The following OR8B8 variants were observed in gnomAD, a reference collection of about 807,000 sequenced individuals.
OR8B8 encodes olfactory receptor 8B8.
OR8B8 carries 8 observed loss-of-function variants against 10.5 expected under a neutral mutation model. The ratio of observed to expected loss-of-function variants is 0.76; its 90% CI spans 0.45 to 1.38. The LOEUF (loss-of-function observed/expected upper bound fraction) is 1.38, where lower values mean the gene tolerates loss of function less well. Ranked by LOEUF, OR8B8 falls within the 40% of genes most tolerant of loss-of-function variation. OR8B8 has a pLI of 0.00. For synonymous variants in OR8B8, 150 were observed against 145.2 expected (o/e 1.03, Z -0.24); for missense variants, 390 against 380.5 (o/e 1.03, Z -0.21).
rs1020619136 is a variant in OR8B8, at chr11:124,439,484, A to G, written c.*666T>C. On this transcript the variant is annotated 3_prime_UTR_variant, in exon 3 of 3. Coordinates refer to ENST00000642064, the MANE Select transcript of OR8B8 (RefSeq NM_012378.2). ...AAATTCTGTTCTTCATAACCTTGACATTTTCTATAAGTTCTTCCACCCAGC... is the reference window on the plus strand; with the variant it reads ...AAATTCTGTTCTTCATAACCTTGACGTTTTCTATAAGTTCTTCCACCCAGC... 3.3e-5 allele frequency: 5 copies of G among 152,300 alleles called. No homozygotes were observed. The highest frequency in any genetic ancestry group is 5.9e-5 in the Non-Finnish European group (4 of 68,088). 9.4% of individuals were successfully genotyped at this position (152,300 alleles called of 1,614,324 possible). A position where few individuals can be genotyped will look rare whatever the true frequency, so the allele number is the denominator to read the frequency against.
intron 1 of OR8B8, among the ~76,000 whole-genome samples, chr11:124,444,412 T>G (rs1861506120): frequency 6.6e-6 from 1 of 152,210 alleles, no homozygotes; most frequent in Non-Finnish European, 1.5e-5. Flanking sequence ...AGGAGTAATC[T>G]CAAATAATTA....
chr11:124,440,042 G>A lies in OR8B8; in HGVS notation c.*108C>T. 3.7e-6 allele frequency: 3 copies of A among 800,774 alleles called. No individual in the cohort carries two copies. Among genetic ancestry groups the A allele is most frequent in the Non-Finnish European group, 3.9e-6 (2 of 508,518 alleles). 49.6% of individuals were successfully genotyped at this position (800,774 alleles called of 1,614,324 possible). On this transcript the variant is annotated 3_prime_UTR_variant, in exon 3 of 3. Transcript: ENST00000642064. ...TGTAAATTAAAGAACCCTTAAAATGGGGATGATGAACCTGTTTGAGGAAAA... is the reference window on the plus strand; with the variant it reads ...TGTAAATTAAAGAACCCTTAAAATGAGGATGATGAACCTGTTTGAGGAAAA...
At chr11:124,444,997 T>G (rs140554538) in intron 1 of OR8B8, among the ~76,000 whole-genome samples, 173 of 150,010 alleles carry the variant, frequency 1.2e-3, no homozygotes, top group African/African-American at 2.8e-3. Flanking sequence ...TATTACCCTG[T>G]CCCTACTTCC....
At position 124,438,203 on chromosome 11, in the gene OR8B8, C is replaced by G. The variant is rs1242487149; in HGVS notation, c.*1947G>C. The stretch of plus-strand genomic sequence containing the variant: ...AAGCTCAGGTTCAAATTTGATTCTA[C>G]CATCCAACTCTCTGGGCTCTGCTCT... On this transcript the variant is annotated 3_prime_UTR_variant, in exon 3 of 3. Coordinates refer to ENST00000642064, the MANE Select transcript of OR8B8 (RefSeq NM_012378.2). 1.3e-5 allele frequency: 2 copies of G among 152,164 alleles called. No individual in the cohort carries two copies. Among genetic ancestry groups the G allele is most frequent in the African/African-American group, 4.8e-5 (2 of 41,438 alleles). 9.4% of individuals were successfully genotyped at this position (152,164 alleles called of 1,614,324 possible).
intron 1 of OR8B8, among the ~76,000 whole-genome samples, chr11:124,444,264 AC>A (rs550462056): frequency 7.2e-5 from 11 of 152,172 alleles, no homozygotes; most frequent in Non-Finnish European, 5.9e-5. Flanking sequence ...AAGCATCCTC[AC>A]CCAAGTCTCT....
At chr11:124,441,680 C>T (rs763721527) in intron 1 of OR8B8, 57 bp from the exon 2 acceptor site, 4 of 153,236 alleles carry the variant, frequency 2.6e-5, no homozygotes, top group Non-Finnish European at 5.8e-5. Flanking sequence ...GATGGCAGCA[C>T]TGGAGCCTCG....
intron 1 of OR8B8, among the ~76,000 whole-genome samples, chr11:124,443,318 C>T (rs1861495466): frequency 6.6e-6 from 1 of 152,102 alleles, no homozygotes; most frequent in African/African-American, 2.4e-5. Context: ...TGTGGAGAGA[C>T]TTGAACGTCA....
At chr11:124,442,466 G>C (rs548971240) in intron 1 of OR8B8, among the ~76,000 whole-genome samples, 2 of 152,332 alleles carry the variant, frequency 1.3e-5, no homozygotes, top group African/African-American at 4.8e-5. Flanking sequence ...TTATATTTCA[G>C]TTCATTGCTG....
intron 1 of OR8B8, among the ~76,000 whole-genome samples, chr11:124,443,111 C>T (rs1242400167): frequency 6.3e-5 from 3 of 47,656 alleles, no homozygotes; most frequent in South Asian, 5.9e-4. Context: ...ATCTACCCTA[C>T]GTTTTCTAGA....
Position 124,439,265 on chromosome 11 carries a change from C to G in OR8B8, c.*885G>C, listed in dbSNP as rs1373995792. ...TTGTTGTTGTTTAGATGGAGTCTTG[C>G]TCCATTGCCCAGGCTGGAGTGCAGT... On this transcript the variant is annotated 3_prime_UTR_variant, in exon 3 of 3. Transcript: ENST00000642064. 1 of 152,384 alleles carries G rather than the reference C, an allele frequency of 6.6e-6. No individual in the cohort carries two copies. Among genetic ancestry groups the G allele is most frequent in the Non-Finnish European group, 1.5e-5 (1 of 68,192 alleles). 9.4% of individuals were successfully genotyped at this position (152,384 alleles called of 1,614,324 possible).
rs1283688934 is a variant in OR8B8, at chr11:124,438,538, T to C, written c.*1612A>G. 2 of 152,258 alleles carry C rather than the reference T, an allele frequency of 1.3e-5. No individual in the cohort carries two copies. The highest frequency in any genetic ancestry group is 4.8e-5 in the African/African-American group (2 of 41,472). 9.4% of individuals were successfully genotyped at this position (152,258 alleles called of 1,614,324 possible). On this transcript the variant is annotated 3_prime_UTR_variant, in exon 3 of 3. Transcript: ENST00000642064. The stretch of plus-strand genomic sequence containing the variant: ...TGAAAAGCTACTCTACCTTCCTTTA[T>C]ACAGTACCATTAGGCTGTGGGCTTA...
rs374366524 is a variant in OR8B8 at position 124,440,262 on chromosome 11, G to T, written c.824C>A (p.Ser275Tyr). 1.9e-6 allele frequency: 3 copies of T among 1,614,160 alleles called. No individual in the cohort carries two copies. In the South Asian group the frequency reaches 3.3e-5, roughly 18 times the overall value. The change falls in exon 3 of 3, where the codon TCC (serine) becomes TAC (tyrosine). Residue 275 changes from serine (S) to tyrosine (Y), a missense_variant. Transcript: ENST00000642064. ...LLAMNQGKVS[S>Y]LFYTTVVPML... Reference sequence around the variant, plus strand: ...GGGCACCACAGTGGTATAGAATAGGGAAGACACCTTGCCCTGGTTCATAGC... The same window carrying T: ...GGGCACCACAGTGGTATAGAATAGGTAAGACACCTTGCCCTGGTTCATAGC...
At chr11:124,443,223 C>T (rs934388573) in intron 1 of OR8B8, among the ~76,000 whole-genome samples, 3 of 152,168 alleles carry the variant, frequency 2.0e-5, no homozygotes, top group Non-Finnish European at 2.9e-5. Context: ...AGGAAGTTCA[C>T]CTGGCCTTTA....
Position 124,440,923 on chromosome 11 carries a change from A to G in OR8B8, c.163T>C (p.Leu55=), listed in dbSNP as rs781345719. 1 of 1,614,114 alleles carries G rather than the reference A, an allele frequency of 6.2e-7. No homozygotes were observed. The highest frequency in any genetic ancestry group is 1.1e-5 in the South Asian group (1 of 91,070). ...LITLIRLNSH[L]HTPMYFFLYN... ...AGGAAGAAGTACATAGGGGTGTGCA[A>G]GTGAGAGTTGAGCCTTATCAGGGTT... is the stretch of plus-strand genomic sequence containing the variant. The change falls in exon 3 of 3, where the codon TTG becomes CTG. Residue 55 remains leucine, a synonymous_variant. Coordinates refer to ENST00000642064, the MANE Select transcript of OR8B8 (RefSeq NM_012378.2).
chr11:124,442,581 T>C (rs1224510204), intron 1 of OR8B8, among the ~76,000 whole-genome samples: 2 of 152,174 alleles, frequency 1.3e-5, no homozygotes, highest in Admixed American at 1.3e-4. Context: ...TTTTCCAAAA[T>C]TGCTAACTTG....
At chr11:124,444,894 G>A (rs1861512512) in intron 1 of OR8B8, among the ~76,000 whole-genome samples, 1 of 152,316 alleles carries the variant, frequency 6.6e-6, no homozygotes, top group South Asian at 2.1e-4. Context: ...GCTGACAAGA[G>A]TGAGAAGAGC....
Position 124,440,130 on chromosome 11 carries a change from T to C in OR8B8, c.*20A>G, listed in dbSNP as rs749578283. ...ACTTATGGGAGAAACAGTGTTTCTT[T>C]CCTGAGCATTGCCCTTTTCTCAGGA... On this transcript the variant is annotated 3_prime_UTR_variant, in exon 3 of 3. Transcript: ENST00000642064. The C allele has an allele frequency of 1.9e-6, 3 of 1,583,908 alleles. No individual in the cohort carries two copies. In the Admixed American group the frequency reaches 5.2e-5, roughly 27 times the overall value.
At chr11:124,441,757 C>T (rs7114069) in intron 1 of OR8B8, 134 bp from the exon 2 acceptor site, 101,647 of 152,054 alleles carry the variant, frequency 0.67, 35,646 homozygotes, top group African/African-American at 0.89. Context: ...CTGAGGCCTT[C>T]CTCCAGCTTG....
intron 2 of OR8B8, 115 bp downstream of exon 2, chr11:124,441,373 T>G: frequency 2.5e-6 from 1 of 400,750 alleles, no homozygotes; most frequent in Non-Finnish European, 4.6e-6. Context: ...GGGGCCAGTC[T>G]CCAGGAAGAG....
Sources: gnomAD v4.1 joint callset for allele counts (sites outside exome capture counted in the v4.1 genomes callset) on GRCh38, gnomAD v4.1.1 for gene constraint, MANE v1.5 for transcripts, NCBI Gene and HGNC (gene_info 2026-07-23, HGNC 2026-07-21) for gene names.